Variants in PSG9 observed in about 807,000 individuals in gnomAD.
The protein encoded by PSG9 is pregnancy specific beta-1-glycoprotein 9.
Under a neutral mutation model 41.9 loss-of-function variants are expected in PSG9, and 49 were observed. That is an observed-to-expected ratio of 1.17 (90% CI 0.93 to 1.48). The LOEUF is 1.48. Ranked by LOEUF, PSG9 falls within the 40% of genes most tolerant of loss-of-function variation. The pLI is 0.00. For synonymous variants in PSG9, 263 were observed against 196.8 expected (o/e 1.34, Z -2.82); for missense variants, 641 against 520.3 (o/e 1.23, Z -2.26).
chr19:43,258,600 G>A lies in PSG9; in HGVS notation c.989-144C>T, dbSNP rs1192215023. On this transcript the variant is annotated intron_variant, in intron 4 of 5. Transcript: ENST00000270077. ...GTCCCTCTATGTTCACTGAGCTGAA[G>A]CCTGAGGTATTCACCTGTTTCTCCC... 9 of 1,409,688 alleles carry A rather than the reference G, an allele frequency of 6.4e-6. 1 individual carries two copies. The highest frequency in any genetic ancestry group is 2.9e-5 in the South Asian group (2 of 68,626). 87.3% of individuals were successfully genotyped at this position (1,409,688 alleles called of 1,614,324 possible).
chr19:43,257,915 T>C, intron 5 of PSG9: 1 of 1,409,414 alleles, frequency 7.1e-7, no homozygotes, highest in Non-Finnish European at 9.2e-7. Flanking sequence ...TTGAGGACTC[T>C]CCTTCTTGTC....
At position 43,269,407 on chromosome 19, in the gene PSG9, A is replaced by T; in HGVS notation, c.25T>A (p.Cys9Ser). 6.2e-7 allele frequency: 1 copy of T among 1,613,698 alleles called. No individual in the cohort carries two copies. Among genetic ancestry groups the T allele is most frequent in the Non-Finnish European group, 8.5e-7 (1 of 1,179,708 alleles). The change falls in exon 1 of 6, where the codon TGC becomes AGC. Residue 9 changes from cysteine to serine, a missense_variant. Transcript: ENST00000270077. ...CCCTTCCAGGTGATGCGCTGTGTGC[A>T]GGAAGGGGCTGGGAGGGGCCCCATG... MGPLPAPS[C>S]TQRITWKGLL...
rs1241484191 is a variant in PSG9, at chr19:43,269,464, A to C, written c.-33T>G. ...GCTGCCTGTGTGTTCTCCTCTGTGGAGATGAGCCTGGGATCCAGAAGCTGT... is the reference window on the plus strand; with the variant it reads ...GCTGCCTGTGTGTTCTCCTCTGTGGCGATGAGCCTGGGATCCAGAAGCTGT... On this transcript the variant is annotated 5_prime_UTR_variant, in exon 1 of 6. Coordinates refer to ENST00000270077, the MANE Select transcript of PSG9 (RefSeq NM_002784.5). 6 of 1,612,130 alleles carry C rather than the reference A, an allele frequency of 3.7e-6. No homozygotes were observed. The highest frequency in any genetic ancestry group is 5.1e-6 in the Non-Finnish European group (6 of 1,178,824).
chr19:43,258,888 G>T lies in PSG9; in HGVS notation c.957C>A (p.Leu319=), dbSNP rs369227525. 1 of 1,587,038 alleles carries T rather than the reference G, an allele frequency of 6.3e-7. No individual in the cohort carries two copies. Residue 319 remains leucine (L), a synonymous_variant, in exon 4 of 6, where the codon CTC becomes CTA. Coordinates refer to ENST00000270077, the MANE Select transcript of PSG9 (RefSeq NM_002784.5). ...QCEIRDRYGG[L]RSNPVILNVL... Reference sequence around the variant, plus strand: ...CATTTAGGATGACTGGGTTACTGCGGAGGCCACCATATCGGTCCCGTATTT... The same window carrying T: ...CATTTAGGATGACTGGGTTACTGCGTAGGCCACCATATCGGTCCCGTATTT...
At chr19:43,265,721 G>A (rs569544074) in intron 2 of PSG9, among the ~76,000 whole-genome samples, 13 of 152,248 alleles carry the variant, frequency 8.5e-5, no homozygotes, top group African/African-American at 3.1e-4. Context: ...TTGTGTGTGT[G>A]TGCAGGAGGC....
intron 3 of PSG9, chr19:43,260,816 A>C (rs1453542191): frequency 1.3e-5 from 2 of 152,134 alleles, no homozygotes; most frequent in African/African-American, 4.8e-5. Flanking sequence ...AACAATATTG[A>C]TTCTTCCAAT....
chr19:43,255,116 A>G (rs1968400018), intron 5 of PSG9, among the ~76,000 whole-genome samples: 1 of 131,136 alleles, frequency 7.6e-6, no homozygotes, highest in African/African-American at 3.0e-5. Context: ...AAAAAAAAAA[A>G]AAAAGAAAGA....
At chr19:43,266,864 G>A (rs1368254291) in intron 2 of PSG9, among the ~76,000 whole-genome samples, 1 of 152,108 alleles carries the variant, frequency 6.6e-6, no homozygotes, top group African/African-American at 2.4e-5. Flanking sequence ...GCACCTTCCT[G>A]TGCCTCAGTT....
chr19:43,258,108 A>G lies in PSG9; in HGVS notation c.1243+94T>C. ...GGATTTGCTTGTGCCCATGGGACAC[A>G]GGCTGGGAATAAAAATGTTTTCCTG... On this transcript the variant is annotated intron_variant, in intron 5 of 5. Coordinates refer to ENST00000270077, the MANE Select transcript of PSG9 (RefSeq NM_002784.5). 3 of 1,590,346 alleles carry G rather than the reference A, an allele frequency of 1.9e-6. 1 individual carries two copies. The highest frequency in any genetic ancestry group is 5.3e-5 in the East Asian group (2 of 37,508).
chr19:43,261,641 T>C (rs1440453574), intron 3 of PSG9, among the ~76,000 whole-genome samples: 2 of 152,154 alleles, frequency 1.3e-5, no homozygotes, highest in African/African-American at 4.8e-5. Flanking sequence ...TCACAAGCTG[T>C]GGACCCAGAG....
rs1355549035 is a variant in PSG9, at chr19:43,253,405, A to T, written c.*204T>A. 3 of 419,976 alleles carry T rather than the reference A, an allele frequency of 7.1e-6. No homozygotes were observed. The highest frequency in any genetic ancestry group is 8.7e-5 in the Admixed American group (2 of 22,926). 26.0% of individuals were successfully genotyped at this position (419,976 alleles called of 1,614,324 possible). ...TATTTCAATTTTTGTTTACAAAAGT[A>T]TACTTTACCAATTGCTGAAGAAAAA... is the stretch of plus-strand genomic sequence containing the variant. On this transcript the variant is annotated 3_prime_UTR_variant, in exon 6 of 6. Coordinates refer to ENST00000270077, the MANE Select transcript of PSG9 (RefSeq NM_002784.5).
In PSG9 at chr19:43,262,153, G is replaced by A. The variant is rs1036912482; in HGVS notation, c.431-15C>T. 5 of 1,608,410 alleles carry A rather than the reference G, an allele frequency of 3.1e-6. No homozygotes were observed. Among genetic ancestry groups the A allele is most frequent in the Non-Finnish European group, 3.4e-6 (4 of 1,176,282 alleles). On this transcript the variant is annotated splice_polypyrimidine_tract_variant and intron_variant, in intron 2 of 5. Transcript: ENST00000270077. ...GGGAGTCTCCACTGTGCAGAAAACA[G>A]AGAGAAGATTGCCCTGTGTGGCACC...
At position 43,263,241 on chromosome 19, in the gene PSG9, TGAG is replaced by T. The variant is rs544041091; in HGVS notation, c.431-1106_431-1104del. Reference sequence around the variant, plus strand: ...GGTGTGCAGTTCCAGTTATGCAGGATGAGGAGGTTCTAGAGATCTCCTGTACAG... The same window carrying T: ...GGTGTGCAGTTCCAGTTATGCAGGATGAGGTTCTAGAGATCTCCTGTACAG... On this transcript the variant is annotated intron_variant, in intron 2 of 5. Transcript: ENST00000270077. Among the ~76,000 whole-genome samples the T allele has an allele frequency of 3.3e-3, 505 of 152,244 alleles. 7 individuals are homozygous for T. Among genetic ancestry groups the T allele is most frequent in the African/African-American group, 0.012 (487 of 41,554 alleles).
At chr19:43,269,225 T>G in intron 1 of PSG9, 143 bp downstream of exon 1, 1 of 1,414,624 alleles carries the variant, frequency 7.1e-7, no homozygotes, top group Non-Finnish European at 9.7e-7. Context: ...GGACTGATCT[T>G]GAACTCCTGA....
chr19:43,253,432 A>T lies in PSG9; in HGVS notation c.*177T>A. On this transcript the variant is annotated 3_prime_UTR_variant, in exon 6 of 6. Transcript: ENST00000270077. Reference sequence around the variant, plus strand: ...ACTTTACCAATTGCTGAAGAAAAAAAGTTCATAAATCTGGAGAATAAAACA... The same window carrying T: ...ACTTTACCAATTGCTGAAGAAAAAATGTTCATAAATCTGGAGAATAAAACA... 2.4e-6 allele frequency: 1 copy of T among 425,370 alleles called. No homozygotes were observed. The highest frequency in any genetic ancestry group is 4.1e-6 in the Non-Finnish European group (1 of 242,306). The allele number at this position is 425,370 out of a possible 1,614,324, so 26.3% of individuals were successfully genotyped here.
At chr19:43,256,247 C>G (rs1968440506) in intron 5 of PSG9, among the ~76,000 whole-genome samples, 1 of 146,630 alleles carries the variant, frequency 6.8e-6, no homozygotes, top group African/African-American at 2.6e-5. Context: ...AAAAACTACA[C>G]AACTCTTAGA....
intron 2 of PSG9, among the ~76,000 whole-genome samples, chr19:43,263,284 T>C (rs1232831091): frequency 6.6e-6 from 1 of 152,150 alleles, no homozygotes; most frequent in African/African-American, 2.4e-5. Context: ...ATGCCTATAG[T>C]TCATACAGAT....
At position 43,262,113 on chromosome 19, in the gene PSG9, G is replaced by A; in HGVS notation, c.456C>T (p.Ser152=). The A allele has an allele frequency of 1.2e-6, 2 of 1,613,838 alleles. No individual in the cohort carries two copies. The highest frequency in any genetic ancestry group is 1.1e-5 in the South Asian group (1 of 91,056). Reference sequence around the variant, plus strand: ...CCTCCCTGGGGTTTAAGTTGCTGCTGGAGATGTAGGGCTTGGGAGTCTCCA... The same window carrying A: ...CCTCCCTGGGGTTTAAGTTGCTGCTAGAGATGTAGGGCTTGGGAGTCTCCA... ...LYLETPKPYI[S]SSNLNPREAM... Residue 152 remains serine, a synonymous_variant, in exon 3 of 6, where the codon TCC becomes TCT. Transcript: ENST00000270077.
In PSG9 at chr19:43,253,606, C is replaced by A. The variant is rs114798829; in HGVS notation, c.*3G>T. 1.4e-3 allele frequency: 1,136 copies of A among 825,168 alleles called. 163 individuals are homozygous for A. In the African/African-American group the frequency reaches 0.019, roughly 14 times the overall value. The allele number at this position is 825,168 out of a possible 1,614,324, so 51.1% of individuals were successfully genotyped here. A position where few individuals can be genotyped will look rare whatever the true frequency, so the allele number is the denominator to read the frequency against. On this transcript the variant is annotated 3_prime_UTR_variant, in exon 6 of 6. Transcript: ENST00000270077. ...CTTTTTCTCAGTGTCTCAGTTGTTG[C>A]AGTCATGACTGAGACTCTGTCAGGT...
Sources: gnomAD v4.1 joint callset for allele counts (sites outside exome capture counted in the v4.1 genomes callset) on GRCh38, gnomAD v4.1.1 for gene constraint, MANE v1.5 for transcripts, NCBI Gene and HGNC (gene_info 2026-07-23, HGNC 2026-07-21) for gene names.